Variants in MYO9A observed in about 807,000 individuals in gnomAD.
The protein encoded by MYO9A is unconventional myosin-IXa.
A neutral mutation model predicts 293.3 loss-of-function variants in MYO9A; 103 were observed. The ratio of observed to expected loss-of-function variants is 0.35; its 90% CI spans 0.30 to 0.41. MYO9A has a LOEUF of 0.41. MYO9A is among the 10% of genes least tolerant of loss of function. The pLI, the probability that MYO9A is intolerant of heterozygous loss-of-function variation, is 1.00. For synonymous variants in MYO9A, 1,001 were observed against 1,035.7 expected (o/e 0.97, Z 0.64); for missense variants, 2,685 against 3,033.0 (o/e 0.89, Z 2.69).
intron 10 of MYO9A, among the ~76,000 whole-genome samples, chr15:71,993,954 C>A (rs372815107): frequency 9.3e-3 from 1,105 of 119,334 alleles, no homozygotes; most frequent in East Asian, 0.011. Flanking sequence ...GACACCGTCT[C>A]AAAAAAAAAA....
chr15:71,937,863 C>T (rs1252539609), intron 16 of MYO9A, among the ~76,000 whole-genome samples: 1 of 152,064 alleles, frequency 6.6e-6, no homozygotes, highest in African/African-American at 2.4e-5. Context: ...ACAGATGAAA[C>T]TGAAGGTACA....
rs1160628061 is a variant in MYO9A, at chr15:71,824,157, A to G, written c.*2423T>C. Reference sequence around the variant, plus strand: ...CACCCACCCACCCCAATCCTGGCAGATTAAATTACTAGAAATCCACAAATC... The same window carrying G: ...CACCCACCCACCCCAATCCTGGCAGGTTAAATTACTAGAAATCCACAAATC... On this transcript the variant is annotated 3_prime_UTR_variant, in exon 42 of 42. Transcript: ENST00000356056. 6.6e-6 allele frequency: 1 copy of G among 152,156 alleles called. No individual in the cohort carries two copies. The highest frequency in any genetic ancestry group is 1.5e-5 in the Non-Finnish European group (1 of 68,012). 9.4% of individuals were successfully genotyped at this position (152,156 alleles called of 1,614,324 possible). A position where few individuals can be genotyped will look rare whatever the true frequency, so the allele number is the denominator to read the frequency against.
rs11072334 is a variant in MYO9A, at chr15:71,845,185, G to T, written c.6837+3660C>A. Among the ~76,000 whole-genome samples, 864 of 151,862 alleles carry T rather than the reference G, an allele frequency of 5.7e-3. 12 individuals are homozygous for T. The highest frequency in any genetic ancestry group is 0.02 in the African/African-American group (813 of 41,384). ...GATCCTTTATCCAAGGCTTTTTTTT[G>T]AAAAGACTGGTTGTTTTGTGTGGTA... is the stretch of plus-strand genomic sequence containing the variant. On this transcript the variant is annotated intron_variant, in intron 39 of 41. Coordinates refer to ENST00000356056, the MANE Select transcript of MYO9A (RefSeq NM_006901.4).
At chr15:72,070,128 CAAAAAAAAAAAAAA>C (rs936332297) in intron 1 of MYO9A, among the ~76,000 whole-genome samples, 1 of 49,052 alleles carries the variant, frequency 2.0e-5, no homozygotes, top group African/African-American at 7.7e-5. Context: ...GACTATGTCT[CAAAAAAAAAAAAAA>C]AAAAAAGAAT....
intron 12 of MYO9A, chr15:71,972,222 C>G (rs12915008): frequency 4.6e-5 from 7 of 152,128 alleles, no homozygotes; most frequent in Non-Finnish European, 4.4e-5. Context: ...TCCAGATAGC[C>G]GAACATATGG....
Position 71,883,645 on chromosome 15 carries a change from A to C in MYO9A, c.5347T>G (p.Ser1783Ala). The C allele has an allele frequency of 1.2e-6, 2 of 1,613,674 alleles. No individual in the cohort carries two copies. Among genetic ancestry groups the C allele is most frequent in the Non-Finnish European group, 1.7e-6 (2 of 1,179,796 alleles). ...ACATCTGTGCCTGCAAAGAGTGGCG[A>C]AACCTCTGACTGGGTAGTAGGTTTC... ...RVKPTTQSEVSPLFAGTDVIP... is the reference protein window; with the variant it reads ...RVKPTTQSEVAPLFAGTDVIP... The change falls in exon 28 of 42, where the codon TCG (serine) becomes GCG (alanine). Residue 1783 changes from serine (S) to alanine (A), a missense_variant. Physicochemically the swap from Ser to Ala is moderately conservative, Grantham distance 99 (BLOSUM62 1). Around this residue, in one of 10 missense-constraint regions of MYO9A, gnomAD observed 1,434 missense variants for 1,497.7 expected, o/e 0.96. Coordinates refer to ENST00000356056, the MANE Select transcript of MYO9A (RefSeq NM_006901.4).
intron 19 of MYO9A, among the ~76,000 whole-genome samples, chr15:71,914,522 T>C (rs933830816): frequency 6.6e-6 from 1 of 152,154 alleles, no homozygotes; most frequent in Non-Finnish European, 1.5e-5. Flanking sequence ...ATAAGTATAA[T>C]AGTAATTATC....
chr15:72,045,840 C>T lies in MYO9A; in HGVS notation c.724G>A (p.Gly242Ser). ...NQCIVISGES[G>S]SGKTQSTNFL... ...TTTGTGCTTTGAGTCTTCCCAGAAC[C>T]ACTCTCTCCTGAAATCACGATGCAC... is the stretch of plus-strand genomic sequence containing the variant. Residue 242 changes from glycine (G) to serine (S), a missense_variant, in exon 2 of 42, where the codon GGT becomes AGT. Physicochemically the swap from Gly to Ser is moderately conservative, Grantham distance 56 (BLOSUM62 0). Around this residue, in one of 10 missense-constraint regions of MYO9A, gnomAD observed 289 missense variants for 456.8 expected, o/e 0.63. Transcript: ENST00000356056. 5 of 1,614,094 alleles carry T rather than the reference C, an allele frequency of 3.1e-6. No homozygotes were observed. The highest frequency in any genetic ancestry group is 4.2e-6 in the Non-Finnish European group (5 of 1,180,014).
In MYO9A at chr15:71,898,234, G is replaced by A; in HGVS notation, c.4269C>T (p.Ile1423=). ...ISNSLPTFFY[I]PQQDPLKTNS... Reference sequence around the variant, plus strand: ...TTGTTTTCAGTGGGTCTTGTTGGGGGATATAAAAAAAAGTAGGTAGACTAT... The same window carrying A: ...TTGTTTTCAGTGGGTCTTGTTGGGGAATATAAAAAAAAGTAGGTAGACTAT... Residue 1423 remains isoleucine (I), a synonymous_variant, in exon 25 of 42, where the codon ATC becomes ATT. Transcript: ENST00000356056. 3 of 1,613,894 alleles carry A rather than the reference G, an allele frequency of 1.9e-6. No homozygotes were observed. The highest frequency in any genetic ancestry group is 1.7e-5 in the Admixed American group (1 of 59,982).
intron 21 of MYO9A, 85 bp from the exon 22 acceptor site, chr15:71,903,148 TTTCTC>T (rs2057533236): frequency 8.6e-6 from 10 of 1,161,980 alleles, no homozygotes; most frequent in East Asian, 7.6e-5. Context: ...CTATTAATCT[TTTCTC>T]TTTCTTTTAA....
intron 15 of MYO9A, among the ~76,000 whole-genome samples, chr15:71,940,300 G>C (rs1447408685): frequency 6.6e-6 from 1 of 152,154 alleles, no homozygotes; most frequent in Non-Finnish European, 1.5e-5. Flanking sequence ...TTCAGGACAA[G>C]CCTGGGCAAC....
intron 1 of MYO9A, among the ~76,000 whole-genome samples, chr15:72,059,877 A>G (rs1356204078): frequency 6.6e-6 from 1 of 152,216 alleles, no homozygotes; most frequent in Non-Finnish European, 1.5e-5. Flanking sequence ...GGATAGTATA[A>G]TAACAATAAG....
chr15:71,953,873 T>TTTTTGTTTTGTTTTG (rs141349966), intron 14 of MYO9A, among the ~76,000 whole-genome samples: 214 of 147,540 alleles, frequency 1.5e-3, no homozygotes, highest in Middle Eastern at 0.014. Flanking sequence ...ATCAACTGTT[T>TTTTTGTTTTGTTTTG]TTTTGTTTTG....
chr15:71,990,686 G>T (rs777121809), intron 11 of MYO9A, among the ~76,000 whole-genome samples: 1 of 151,890 alleles, frequency 6.6e-6, no homozygotes, highest in African/African-American at 2.4e-5. Context: ...GAACCCGCGA[G>T]GCGGAGCTTG....
At chr15:71,969,779 A>G (rs919476185) in intron 12 of MYO9A, among the ~76,000 whole-genome samples, 2 of 152,230 alleles carry the variant, frequency 1.3e-5, no homozygotes, top group Admixed American at 1.3e-4. Flanking sequence ...TGCATTCAAC[A>G]GACATGTATG....
intron 40 of MYO9A, among the ~76,000 whole-genome samples, chr15:71,828,322 C>G (rs756611283): frequency 2.0e-5 from 3 of 152,138 alleles, no homozygotes; most frequent in Non-Finnish European, 4.4e-5. Flanking sequence ...GACTGATAAG[C>G]AGGAGATCAG....
At chr15:72,026,893 C>G (rs572741033) in intron 4 of MYO9A, among the ~76,000 whole-genome samples, 1 of 152,274 alleles carries the variant, frequency 6.6e-6, no homozygotes, top group South Asian at 2.1e-4. Flanking sequence ...AATCTGACCA[C>G]AGATGAAACA....
At chr15:72,071,555 A>C (rs1414432955) in intron 1 of MYO9A, among the ~76,000 whole-genome samples, 1 of 152,178 alleles carries the variant, frequency 6.6e-6, no homozygotes, top group Non-Finnish European at 1.5e-5. Context: ...AGCCTGGCCA[A>C]CATGGTGAAA....
chr15:71,916,280 C>A, intron 19 of MYO9A, 90 bp downstream of exon 19: 1 of 1,400,150 alleles, frequency 7.1e-7, no homozygotes, highest in Non-Finnish European at 9.5e-7. Flanking sequence ...ATTAAAATCC[C>A]ATTCAAGTAC....
Sources: allele counts gnomAD v4.1 joint callset (sites outside exome capture counted in the v4.1 genomes callset), GRCh38; gene constraint gnomAD v4.1.1; regional missense constraint gnomAD v4.1.1; transcripts MANE v1.5; gene names NCBI Gene and HGNC (gene_info 2026-07-23, HGNC 2026-07-21).